The following ZGRF1 variants were observed in gnomAD, a reference collection of about 807,000 sequenced individuals.
The protein encoded by ZGRF1 is zinc finger GRF-type containing 1.
ZGRF1 carries 196 observed loss-of-function variants against 203.5 expected under a neutral mutation model. The observed-to-expected ratio is 0.96, with a 90% confidence interval of 0.86 to 1.08. The LOEUF (loss-of-function observed/expected upper bound fraction) is 1.08. Among genes scored for constraint, ZGRF1 ranks in the 50% least tolerant of loss-of-function variants. The pLI is 0.00. For synonymous variants in ZGRF1, 809 were observed against 841.3 expected, an observed-to-expected ratio of 0.96 and a Z score of 0.66; for missense variants, 2,326 against 2,416.3, an observed-to-expected ratio of 0.96 and a Z score of 0.78.
At position 112,584,173 on chromosome 4, in the gene ZGRF1, C is replaced by T. The variant is rs780224163; in HGVS notation, c.4103G>A (p.Gly1368Asp). 6.4e-7 allele frequency: 1 copy of T among 1,557,568 alleles called. No homozygotes were observed. The highest frequency in any genetic ancestry group is 2.3e-5 in the East Asian group (1 of 44,286). ...TCCATCACATGTATAAAAGAGACGA[C>T]CCTAAGGGGAAAGAAAAAAGATCAA... ...VMVKKEGPNK[G>D]RLFYTCDGPK... Residue 1368 changes from glycine (G) to aspartate (D), a missense_variant and splice_region_variant, in exon 15 of 28, where the codon GGT becomes GAT. Gly to Asp is a moderately conservative substitution (Grantham distance 94, BLOSUM62 -1). Transcript: ENST00000505019.
At chr4:112,613,069 A>G (rs1196536088) in intron 6 of ZGRF1, among the ~76,000 whole-genome samples, 1 of 152,186 alleles carries the variant, frequency 6.6e-6, no homozygotes, top group African/African-American at 2.4e-5. Context: ...CAAGGCAGGC[A>G]GATCACTTGA....
intron 10 of ZGRF1, among the ~76,000 whole-genome samples, chr4:112,596,575 A>T (rs1433756676): frequency 1.3e-5 from 2 of 152,066 alleles, no homozygotes; most frequent in African/African-American, 4.8e-5. Context: ...CATGACAGCG[A>T]AATTTCAGAA....
At position 112,558,701 on chromosome 4, in the gene ZGRF1, C is replaced by T. The variant is rs1027138050; in HGVS notation, c.4961-392G>A. ...GGTATAACAAATATTTCATCCATCT[C>T]TCCCTCCTCCATTTAATTAATTAAT... On this transcript the variant is annotated intron_variant, in intron 19 of 27. Coordinates refer to ENST00000505019, the MANE Select transcript of ZGRF1 (RefSeq NM_018392.5). Among the ~76,000 whole-genome samples the T allele has an allele frequency of 8.5e-5, 13 of 152,366 alleles. 1 individual carries two copies. The highest frequency in any genetic ancestry group is 8.3e-4 in the South Asian group (4 of 4,832).
intron 16 of ZGRF1, among the ~76,000 whole-genome samples, chr4:112,567,061 C>A (rs1330189254): frequency 2.6e-5 from 4 of 152,110 alleles, no homozygotes; most frequent in Non-Finnish European, 5.9e-5. Context: ...ACTCCTAGGG[C>A]TAAAGAATTC....
At chr4:112,555,777 G>A (rs950186127) in intron 20 of ZGRF1, among the ~76,000 whole-genome samples, 6 of 152,118 alleles carry the variant, frequency 3.9e-5, no homozygotes, top group Non-Finnish European at 8.8e-5. Context: ...AGAAATGTAC[G>A]AAACCAGACT....
intron 3 of ZGRF1, among the ~76,000 whole-genome samples, chr4:112,631,547 C>T (rs13142257): frequency 0.39 from 59,573 of 151,656 alleles, 11,945 homozygotes; most frequent in South Asian, 0.49. Flanking sequence ...TGTCGGGTGC[C>T]TGTAGTCCCA....
rs553664852 is a variant in ZGRF1, at chr4:112,626,785, AATTT to A, written c.103-2913_103-2910del. ...ACGTGAGTGCTTCTGTGATACTTCA[AATTT>A]ATTTATTTATTTATTTATTTATTTT... On this transcript the variant is annotated intron_variant, in intron 3 of 27. Coordinates refer to ENST00000505019, the MANE Select transcript of ZGRF1 (RefSeq NM_018392.5). Among the ~76,000 whole-genome samples the A allele has an allele frequency of 5.3e-5, 8 of 151,812 alleles. No individual in the cohort carries two copies. The East Asian group carries it at 5.8e-4, about 11-fold the overall frequency.
intron 7 of ZGRF1, 68 bp from the exon 8 acceptor site, chr4:112,609,497 A>G (rs925088841): frequency 8.9e-6 from 7 of 783,670 alleles, no homozygotes; most frequent in Non-Finnish European, 1.4e-5. Context: ...AAAAATATAA[A>G]TTTCTATTAG....
At chr4:112,561,911 C>CTTTTTTTTT (rs11385405) in intron 18 of ZGRF1, among the ~76,000 whole-genome samples, 71 of 108,106 alleles carry the variant, frequency 6.6e-4, no homozygotes, top group East Asian at 2.1e-3. Context: ...TTCCTTTTCT[C>CTTTTTTTTT]TTTTTTTTTT....
At chr4:112,572,198 A>C (rs1250775864) in intron 16 of ZGRF1, among the ~76,000 whole-genome samples, 1 of 152,238 alleles carries the variant, frequency 6.6e-6, no homozygotes, top group African/African-American at 2.4e-5. Context: ...TGGTATAAAA[A>C]CAGGCACACA....
At chr4:112,619,773 A>G in intron 5 of ZGRF1, 83 bp from the exon 6 acceptor site, 1 of 1,174,402 alleles carries the variant, frequency 8.5e-7, no homozygotes, top group Non-Finnish European at 1.2e-6. Flanking sequence ...AAAAAAGGAG[A>G]AGGATTGTTT....
intron 6 of ZGRF1, among the ~76,000 whole-genome samples, chr4:112,613,719 A>T (rs2046772520): frequency 1.3e-5 from 2 of 152,228 alleles, no homozygotes; most frequent in Admixed American, 6.5e-5. Flanking sequence ...TGCAGAATGC[A>T]AAGGAGTGCA....
intron 10 of ZGRF1, among the ~76,000 whole-genome samples, chr4:112,598,431 A>G (rs1173732037): frequency 1.3e-5 from 2 of 152,110 alleles, no homozygotes; most frequent in African/African-American, 4.8e-5. Flanking sequence ...CAGTGAAAAT[A>G]TTAAAACATT....
rs140847408 is a variant in ZGRF1, at chr4:112,612,580, G to T, written c.2611C>A (p.Pro871Thr). ...EPDSPPEVRK[P>T]FITVVSPKSP... Reference sequence around the variant, plus strand: ...TTTGGTGAAACTACTGTAATAAATGGTTTCCTCACTGTAATGGAGAAAAGA... The same window carrying T: ...TTTGGTGAAACTACTGTAATAAATGTTTTCCTCACTGTAATGGAGAAAAGA... The change falls in exon 7 of 28, where the codon CCA (proline) becomes ACA (threonine). Residue 871 changes from proline to threonine, a missense_variant. Pro to Thr is a conservative substitution (Grantham distance 38, BLOSUM62 -1). Transcript: ENST00000505019. 10 of 1,596,082 alleles carry T rather than the reference G, an allele frequency of 6.3e-6. No individual in the cohort carries two copies. In the African/African-American group the frequency reaches 8.1e-5, roughly 13 times the overall value.
At chr4:112,614,597 G>A (rs1046920071) in intron 6 of ZGRF1, among the ~76,000 whole-genome samples, 6 of 152,196 alleles carry the variant, frequency 3.9e-5, no homozygotes, top group African/African-American at 1.4e-4. Flanking sequence ...GGGAGGCCGA[G>A]GTGGGCAGAT....
At chr4:112,610,925 C>G (rs1269996235) in intron 7 of ZGRF1, 1 of 306,192 alleles carries the variant, frequency 3.3e-6, no homozygotes, top group African/African-American at 2.3e-5. Flanking sequence ...ATACATCAAT[C>G]TAACCATTTT....
At position 112,633,201 on chromosome 4, in the gene ZGRF1, G is replaced by A; in HGVS notation, c.-25C>T. ...TTATTTCTTCTGAAGTTATAAACCA[G>A]CTGGGTCCAGAAAATAGGAAATATT... On this transcript the variant is annotated 5_prime_UTR_variant, in exon 2 of 28. Coordinates refer to ENST00000505019, the MANE Select transcript of ZGRF1 (RefSeq NM_018392.5). The A allele has an allele frequency of 1.9e-6, 3 of 1,596,790 alleles. No homozygotes were observed. Among genetic ancestry groups the A allele is most frequent in the Admixed American group, 1.7e-5 (1 of 59,260 alleles).
rs756204693 is a variant in ZGRF1 at position 112,617,534 on chromosome 4, A to G, written c.2508T>C (p.Ser836=). The change falls in exon 6 of 28, where the codon AGT becomes AGC. Residue 836 remains serine (S), a synonymous_variant. Transcript: ENST00000505019. Reference sequence around the variant, plus strand: ...ATATTTCCAAGCTGTCTAAAGCAGTACTGTGTTCACATAGCGACTTTAAAA... The same window carrying G: ...ATATTTCCAAGCTGTCTAAAGCAGTGCTGTGTTCACATAGCGACTTTAAAA... ...ISILKSLCEH[S]TALDSLEILK... is the part of the protein sequence containing the mutation. 18 of 1,613,188 alleles carry G rather than the reference A, an allele frequency of 1.1e-5. No homozygotes were observed. The Admixed American group carries it at 2.8e-4, about 25-fold the overall frequency.
At chr4:112,629,550 G>A (rs1436705332) in intron 3 of ZGRF1, among the ~76,000 whole-genome samples, 1 of 151,642 alleles carries the variant, frequency 6.6e-6, no homozygotes, top group Non-Finnish European at 1.5e-5. Flanking sequence ...TGTGCCTGTG[G>A]TTCCAGCTAC....
Sources: allele counts gnomAD v4.1 joint callset (sites outside exome capture counted in the v4.1 genomes callset), GRCh38; gene constraint gnomAD v4.1.1; transcripts MANE v1.5; gene names NCBI Gene and HGNC (gene_info 2026-07-23, HGNC 2026-07-21).